The following EXOC3 variants were observed in gnomAD, a reference collection of about 807,000 sequenced individuals.
EXOC3 encodes SEC6-like 1.
EXOC3 carries 21 observed loss-of-function variants against 73.7 expected under a neutral mutation model. That is an observed-to-expected ratio of 0.29 (90% CI 0.20 to 0.41). EXOC3 has a LOEUF of 0.41. EXOC3 is among the 10% of genes least tolerant of loss of function. EXOC3 has a pLI of 1.00. For synonymous variants in EXOC3, 410 were observed against 389.1 expected (o/e 1.05, Z -0.63); for missense variants, 842 against 985.1 (o/e 0.85, Z 1.95).
At chr5:464,453 A>G in intron 10 of EXOC3, 41 bp downstream of exon 10, 1 of 1,604,040 alleles carries the variant, frequency 6.2e-7, no homozygotes, top group Non-Finnish European at 8.5e-7. Flanking sequence ...CCTTGACGCT[A>G]GGGCTCACCT....
At position 446,484 on chromosome 5, in the gene EXOC3, C is replaced by CT. The variant is rs953293616; in HGVS notation, c.144+138dup. 2.0e-5 allele frequency: 16 copies of CT among 793,942 alleles called. No individual in the cohort carries two copies. The African/African-American group carries it at 2.4e-4, about 12-fold the overall frequency. 49.2% of individuals were successfully genotyped at this position (793,942 alleles called of 1,614,324 possible). Reference sequence around the variant, plus strand: ...AGAGCTGGACTTTCTTGAGCAGTTACTTTCAGCAGTGTATTACCACTCAGT... The same window carrying CT: ...AGAGCTGGACTTTCTTGAGCAGTTACTTTTCAGCAGTGTATTACCACTCAGT... On this transcript the variant is annotated intron_variant, in intron 2 of 12. Coordinates refer to ENST00000512944, the MANE Select transcript of EXOC3 (RefSeq NM_007277.5).
At chr5:461,734 C>T in intron 7 of EXOC3, 1 of 534,868 alleles carries the variant, frequency 1.9e-6, no homozygotes, top group East Asian at 3.2e-5. Context: ...CCTAATGAGC[C>T]ATATTTTAAA....
intron 12 of EXOC3, 106 bp downstream of exon 12, chr5:465,951 C>G: frequency 7.6e-7 from 1 of 1,317,698 alleles, no homozygotes; most frequent in Non-Finnish European, 1.0e-6. Flanking sequence ...AAGTTCAGCC[C>G]TGCAGCACGG....
At chr5:450,325 A>G (rs1011715106) in intron 3 of EXOC3, among the ~76,000 whole-genome samples, 20 of 152,332 alleles carry the variant, frequency 1.3e-4, no homozygotes, top group African/African-American at 4.3e-4. Context: ...ATGTTGTTTA[A>G]TTTCCACAAA....
chr5:449,362 C>G (rs753389480), intron 3 of EXOC3, among the ~76,000 whole-genome samples: 2 of 152,162 alleles, frequency 1.3e-5, no homozygotes, highest in Admixed American at 6.5e-5. Context: ...TAAGAACATT[C>G]ATATTGTTGT....
In EXOC3 at chr5:447,727, G is replaced by T; in HGVS notation, c.339G>T (p.Val113=). The T allele has an allele frequency of 6.3e-7, 1 of 1,575,740 alleles. No homozygotes were observed. The highest frequency in any genetic ancestry group is 1.8e-5 in the Admixed American group (1 of 55,042). ...AGCACAGCCAGCTCGCCGCAGCCGTGGAGAACCTCAAGAACATCTTCTCAG... is the reference window on the plus strand; with the variant it reads ...AGCACAGCCAGCTCGCCGCAGCCGTTGAGAACCTCAAGAACATCTTCTCAG... ...VVQHSQLAAA[V]ENLKNIFSVP... Residue 113 remains valine, a synonymous_variant, in exon 3 of 13, where the codon GTG becomes GTT. Transcript: ENST00000512944.
intron 10 of EXOC3, chr5:464,705 G>A (rs1403052478): frequency 2.0e-5 from 8 of 407,436 alleles, no homozygotes; most frequent in Non-Finnish European, 3.6e-5. Flanking sequence ...GAGGCCCCAG[G>A]GATTTCTTTC....
chr5:460,730 A>G (rs1464580771), intron 7 of EXOC3, among the ~76,000 whole-genome samples: 3 of 152,130 alleles, frequency 2.0e-5, no homozygotes, highest in Non-Finnish European at 2.9e-5. Flanking sequence ...CCAAATCCCT[A>G]TTGGCCATCT....
chr5:446,156 G>C lies in EXOC3; in HGVS notation c.-50G>C. ...GTCCTAACAACTCCTGCAGTGCACAGAGAACACCCCTAGCATGAACAGTGT... is the reference window on the plus strand; with the variant it reads ...GTCCTAACAACTCCTGCAGTGCACACAGAACACCCCTAGCATGAACAGTGT... On this transcript the variant is annotated 5_prime_UTR_variant, in exon 2 of 13. Transcript: ENST00000512944. The C allele has an allele frequency of 6.2e-7, 1 of 1,612,216 alleles. No homozygotes were observed. The highest frequency in any genetic ancestry group is 8.5e-7 in the Non-Finnish European group (1 of 1,178,632).
chr5:465,574 C>T (rs1298868722), intron 11 of EXOC3, 144 bp from the exon 12 acceptor site: 1 of 1,075,866 alleles, frequency 9.3e-7, no homozygotes, highest in Non-Finnish European at 1.3e-6. Flanking sequence ...ACCCCTGGCC[C>T]TGTCACTGAG....
chr5:466,733 C>A lies in EXOC3; in HGVS notation c.2073C>A (p.Asp691Glu). 6.2e-7 allele frequency: 1 copy of A among 1,612,288 alleles called. No homozygotes were observed. Among genetic ancestry groups the A allele is most frequent in the Non-Finnish European group, 8.5e-7 (1 of 1,179,382 alleles). ...GACATCTCCCCATCCCCAGGGATGA[C>A]CACATCGGTGCGCTGCTGGCTGTGC... is the stretch of plus-strand genomic sequence containing the variant. ...LVSKYPDIRD[D>E]HIGALLAVRG... The change falls in exon 13 of 13, where the codon GAC (aspartate) becomes GAA (glutamate). Residue 691 changes from aspartate to glutamate, a missense_variant. Transcript: ENST00000512944.
At chr5:444,773 C>T (rs910644155) in intron 1 of EXOC3, among the ~76,000 whole-genome samples, 3 of 151,962 alleles carry the variant, frequency 2.0e-5, no homozygotes, top group African/African-American at 7.2e-5. Flanking sequence ...GCGGGGGTTA[C>T]CCCTGAGTGG....
intron 7 of EXOC3, chr5:461,641 T>C: frequency 3.3e-6 from 1 of 299,698 alleles, no homozygotes; most frequent in African/African-American, 2.2e-5. Flanking sequence ...AAGGTCTGAT[T>C]AGGTTACCCC....
chr5:445,791 A>T (rs980235003), intron 1 of EXOC3, among the ~76,000 whole-genome samples: 1 of 152,148 alleles, frequency 6.6e-6, no homozygotes, highest in African/African-American at 2.4e-5. Context: ...GGCCTGGCCA[A>T]GGTGCTGGGG....
intron 3 of EXOC3, among the ~76,000 whole-genome samples, chr5:449,985 C>A (rs1737608700): frequency 6.6e-6 from 1 of 152,250 alleles, no homozygotes; most frequent in Non-Finnish European, 1.5e-5. Context: ...GTGGCTCACG[C>A]CCGTCATCCC....
chr5:464,873 G>A (rs757970523), intron 10 of EXOC3: 14 of 566,168 alleles, frequency 2.5e-5, no homozygotes, highest in Non-Finnish European at 2.8e-5. Flanking sequence ...TGCCTCGCCC[G>A]CGTCTGTCCT....
At chr5:458,557 T>A (rs1334323273) in intron 6 of EXOC3, among the ~76,000 whole-genome samples, 1 of 152,214 alleles carries the variant, frequency 6.6e-6, no homozygotes, top group Admixed American at 6.5e-5. Context: ...AGGTTCTAAG[T>A]ATTAGACCGA....
chr5:454,696 G>GT (rs1737753173), intron 4 of EXOC3, among the ~76,000 whole-genome samples: 1 of 152,198 alleles, frequency 6.6e-6, no homozygotes, highest in African/African-American at 2.4e-5. Flanking sequence ...TGGTGCAGTG[G>GT]TGGGGGTATT....
intron 3 of EXOC3, among the ~76,000 whole-genome samples, chr5:448,229 G>A (rs938495017): frequency 7.2e-5 from 11 of 152,236 alleles, no homozygotes; most frequent in Non-Finnish European, 1.3e-4. Context: ...GGGCAGAGGC[G>A]GGGCTGAGCG....
Sources: gnomAD v4.1 joint callset for allele counts (sites outside exome capture counted in the v4.1 genomes callset) on GRCh38, gnomAD v4.1.1 for gene constraint, MANE v1.5 for transcripts, NCBI Gene and HGNC (gene_info 2026-07-23, HGNC 2026-07-21) for gene names.